Variants in FOXP2 observed in about 807,000 individuals in gnomAD.
FOXP2 encodes the protein forkhead box protein P2.
A neutral mutation model predicts 115.8 loss-of-function variants in FOXP2; 12 were observed. The ratio of observed to expected loss-of-function variants is 0.10; its 90% CI spans 0.07 to 0.17. The LOEUF (loss-of-function observed/expected upper bound fraction) is 0.17. Ranked by LOEUF, FOXP2 falls within the 10% of genes least tolerant of loss-of-function variation. The pLI is 1.00. For synonymous variants in FOXP2, 328 were observed against 297.7 expected, an observed-to-expected ratio of 1.10 and a Z score of -1.05; for missense variants, 629 against 843.5, an observed-to-expected ratio of 0.75 and a Z score of 3.15.
chr7:114,403,259 T>G (rs1289920714), intron 2 of FOXP2, among the ~76,000 whole-genome samples: 22 of 152,048 alleles, frequency 1.4e-4, no homozygotes. Flanking sequence ...GCCAGATGAG[T>G]TCAAGTTAGG....
intron 1 of FOXP2, among the ~76,000 whole-genome samples, chr7:114,268,145 A>G (rs949554700): frequency 6.6e-6 from 1 of 152,196 alleles, no homozygotes; most frequent in Admixed American, 6.5e-5. Context: ...AGTATATGTC[A>G]GAATTTCTTT....
chr7:114,617,363 A>C (rs188070784), intron 3 of FOXP2, among the ~76,000 whole-genome samples: 1 of 152,120 alleles, frequency 6.6e-6, no homozygotes, highest in Non-Finnish European at 1.5e-5. Flanking sequence ...CTTCCTCTCT[A>C]TCCCATTCAA....
At chr7:114,290,196 C>T (rs1167226696) in intron 2 of FOXP2, among the ~76,000 whole-genome samples, 1 of 151,846 alleles carries the variant, frequency 6.6e-6, no homozygotes, top group African/African-American at 2.4e-5. Flanking sequence ...TGGTTCAAAC[C>T]TCCTATTTTC....
chr7:114,638,668 AC>A (rs1316700001), intron 6 of FOXP2, among the ~76,000 whole-genome samples: 1 of 152,148 alleles, frequency 6.6e-6, no homozygotes, highest in African/African-American at 2.4e-5. Context: ...CATTGGAATC[AC>A]CTTTGGAGCT....
chr7:114,659,697 A>G (rs1387630003), intron 13 of FOXP2, 24 bp downstream of exon 13: 1 of 1,565,188 alleles, frequency 6.4e-7, no homozygotes, highest in East Asian at 2.2e-5. Context: ...CAGCAGTTTT[A>G]AGATGCCTAC....
chr7:114,679,327 C>A (rs1038172458), intron 16 of FOXP2, among the ~76,000 whole-genome samples: 1 of 152,146 alleles, frequency 6.6e-6, no homozygotes, highest in East Asian at 1.9e-4. Context: ...ATAAATTCTT[C>A]ACTTCTTTCC....
chr7:114,352,855 G>C (rs1210487157), intron 2 of FOXP2, among the ~76,000 whole-genome samples: 1 of 152,052 alleles, frequency 6.6e-6, no homozygotes, highest in African/African-American at 2.4e-5. Flanking sequence ...AATTCTAATA[G>C]TTTAAAATTT....
At chr7:114,440,257 A>G (rs1271418139) in intron 2 of FOXP2, among the ~76,000 whole-genome samples, 1 of 152,182 alleles carries the variant, frequency 6.6e-6, no homozygotes, top group Non-Finnish European at 1.5e-5. Context: ...CATTTCCATC[A>G]TATTGTTTCA....
chr7:114,206,495 T>G (rs1794205229), intron 1 of FOXP2, among the ~76,000 whole-genome samples: 1 of 152,146 alleles, frequency 6.6e-6, no homozygotes, highest in African/African-American at 2.4e-5. Context: ...TCTTATTATT[T>G]AGATCAAATC....
At chr7:114,281,325 C>A (rs1796333167) in intron 1 of FOXP2, among the ~76,000 whole-genome samples, 1 of 151,984 alleles carries the variant, frequency 6.6e-6, no homozygotes, top group Non-Finnish European at 1.5e-5. Flanking sequence ...TGATTTCAAA[C>A]TCCTGACCTC....
chr7:114,541,360 CAA>C (rs1799652243), intron 3 of FOXP2, among the ~76,000 whole-genome samples: 1 of 152,004 alleles, frequency 6.6e-6, no homozygotes, highest in Middle Eastern at 3.4e-3. Flanking sequence ...GCAGAAGAGA[CAA>C]GAGGGGACTA....
intron 2 of FOXP2, among the ~76,000 whole-genome samples, chr7:114,514,839 GTA>G (rs1039335538): frequency 2.8e-4 from 42 of 151,432 alleles, no homozygotes; most frequent in African/African-American, 1.0e-3. Flanking sequence ...TTAGCATTAG[GTA>G]TATCTCCTAA....
chr7:114,349,665 G>A (rs1791432623), intron 2 of FOXP2, among the ~76,000 whole-genome samples: 1 of 123,390 alleles, frequency 8.1e-6, no homozygotes, highest in Non-Finnish European at 1.9e-5. Flanking sequence ...ACAGGTGTGT[G>A]TGTGTCTGTG....
At chr7:114,656,572 G>A (rs1464316003) in intron 10 of FOXP2, 1 of 418,646 alleles carries the variant, frequency 2.4e-6, no homozygotes, top group Non-Finnish European at 4.8e-6. Flanking sequence ...GCATTTAGGA[G>A]CATTATCTCA....
chr7:114,438,775 C>T (rs2129211159), intron 2 of FOXP2, among the ~76,000 whole-genome samples: 1 of 152,032 alleles, frequency 6.6e-6, no homozygotes, highest in Non-Finnish European at 1.5e-5. Flanking sequence ...ATAGTTAATC[C>T]ATATTCCTAA....
chr7:114,681,486 C>T (rs1247396631), intron 16 of FOXP2, among the ~76,000 whole-genome samples: 1 of 152,072 alleles, frequency 6.6e-6, no homozygotes, highest in Non-Finnish European at 1.5e-5. Flanking sequence ...TGATGCAGGC[C>T]TGGATCAATG....
upstream of FOXP2, among the ~76,000 whole-genome samples, chr7:114,158,351 T>C (rs1345195295): frequency 3.9e-4 from 59 of 152,032 alleles, no homozygotes. Context: ...AAGTATTATT[T>C]GTTGGTATTT....
chr7:114,207,218 A>G (rs970489534), intron 1 of FOXP2, among the ~76,000 whole-genome samples: 7 of 152,152 alleles, frequency 4.6e-5, no homozygotes, highest in African/African-American at 1.4e-4. Context: ...TAGTTGATGG[A>G]CATTTAGGTT....
At chr7:114,189,367 A>G (rs1269118593) in intron 1 of FOXP2, among the ~76,000 whole-genome samples, 3 of 152,148 alleles carry the variant, frequency 2.0e-5, no homozygotes, top group Non-Finnish European at 2.9e-5. Flanking sequence ...TATTGAGCTG[A>G]TTTTTATTAA....
Sources: allele counts gnomAD v4.1 joint callset (sites outside exome capture counted in the v4.1 genomes callset), GRCh38; gene constraint gnomAD v4.1.1; transcripts MANE v1.5; gene names NCBI Gene and HGNC (gene_info 2026-07-23, HGNC 2026-07-21).